The following CCNY variants were observed in gnomAD, a reference collection of about 807,000 sequenced individuals.
The protein encoded by CCNY is cyclin Y, also known as cyclin-Y.
In CCNY, 19 loss-of-function variants were observed where a neutral mutation model predicts 42.8. That is an observed-to-expected ratio of 0.44 (90% CI 0.31 to 0.65). The LOEUF is 0.65. CCNY is among the 30% of genes least tolerant of loss of function. The pLI is 0.07. For missense variants in CCNY, 370 were observed against 437.3 expected, an observed-to-expected ratio of 0.85 and a Z score of 1.37; for synonymous variants, 165 against 162.7, an observed-to-expected ratio of 1.01 and a Z score of -0.11.
chr10:35,335,968 C>A (rs1836017258), upstream of CCNY: 1 of 152,634 alleles, frequency 6.6e-6, no homozygotes, highest in Non-Finnish European at 1.5e-5. Context: ...GTACCGGCTA[C>A]TTTGGAGGCT....
intron 3 of CCNY, among the ~76,000 whole-genome samples, chr10:35,509,432 C>A (rs1044019852): frequency 1.3e-5 from 2 of 152,012 alleles, no homozygotes; most frequent in Non-Finnish European, 2.9e-5. Context: ...CCTTCCACCA[C>A]GCCCAGCTAA....
intron 1 of CCNY, among the ~76,000 whole-genome samples, chr10:35,424,885 C>G (rs1838233049): frequency 6.6e-6 from 1 of 152,196 alleles, no homozygotes; most frequent in East Asian, 1.9e-4. Flanking sequence ...ACACTGTCCT[C>G]CAGCCACACC....
At position 35,426,084 on chromosome 10, in the gene CCNY, T is replaced by C. The variant is rs114008736; in HGVS notation, c.155-57320T>C. Among the ~76,000 whole-genome samples, 1,009 of 145,408 alleles carry C rather than the reference T, an allele frequency of 6.9e-3. 15 individuals carry two copies. The highest frequency in any genetic ancestry group is 0.025 in the African/African-American group (965 of 39,030). ...CCTGTCCAAATTAAACCCTGGCTCC[T>C]CTTCTCCCTTCACTGGTCCAGCACG... is the stretch of plus-strand genomic sequence containing the variant. On this transcript the variant is annotated intron_variant, in intron 1 of 9. Coordinates refer to ENST00000374704, the MANE Select transcript of CCNY (RefSeq NM_145012.6).
chr10:35,474,490 C>G (rs1839461451), intron 1 of CCNY, among the ~76,000 whole-genome samples: 1 of 152,228 alleles, frequency 6.6e-6, no homozygotes, highest in South Asian at 2.1e-4. Context: ...TCCCTGACCC[C>G]TGACCCCCGA....
chr10:35,408,660 T>G (rs1439531481), intron 1 of CCNY, among the ~76,000 whole-genome samples: 1 of 152,168 alleles, frequency 6.6e-6, no homozygotes, highest in Non-Finnish European at 1.5e-5. Context: ...TTTTCACTTC[T>G]TTTGTGGATC....
Position 35,337,188 on chromosome 10 carries a change from C to G in CCNY, c.135C>G (p.Ser45Arg). 1 of 1,562,854 alleles carries G rather than the reference C, an allele frequency of 6.4e-7. No homozygotes were observed. The highest frequency in any genetic ancestry group is 8.7e-7 in the Non-Finnish European group (1 of 1,156,016). Reference sequence around the variant, plus strand: ...CGGGCTGCAACCTGCAGCACATCAGCGACCGGGAGAACATAGACGGTGAGT... The same window carrying G: ...CGGGCTGCAACCTGCAGCACATCAGGGACCGGGAGAACATAGACGGTGAGT... Reference protein sequence around the residue: ...EDTGCNLQHISDRENIDDLNM... With the variant: ...EDTGCNLQHIRDRENIDDLNM... The change falls in exon 1 of 10, where the codon AGC (serine) becomes AGG (arginine). Residue 45 changes from serine to arginine, a missense_variant. By Grantham distance (110) the Ser-to-Arg change is moderately radical. Around this residue, in one of 2 missense-constraint regions of CCNY, gnomAD observed 136 missense variants for 124.2 expected, o/e 1.09. Transcript: ENST00000374704.
chr10:35,474,796 A>C (rs1363298123), intron 1 of CCNY, among the ~76,000 whole-genome samples: 2 of 152,264 alleles, frequency 1.3e-5, no homozygotes, highest in African/African-American at 2.4e-5. Context: ...AGCTGGACGG[A>C]GAATGACTTT....
At chr10:35,529,637 T>G (rs1013992726) in intron 5 of CCNY, among the ~76,000 whole-genome samples, 21 of 151,986 alleles carry the variant, frequency 1.4e-4, no homozygotes, top group African/African-American at 4.8e-4. Context: ...ACAAAGCAGG[T>G]GGATCTCCTG....
intron 1 of CCNY, among the ~76,000 whole-genome samples, chr10:35,345,333 G>A (rs528902540): frequency 6.6e-6 from 1 of 152,216 alleles, no homozygotes; most frequent in South Asian, 2.1e-4. Context: ...GCTGGGTGTG[G>A]TGGCGGGTGC....
intron 1 of CCNY, among the ~76,000 whole-genome samples, 176 bp downstream of exon 1, chr10:35,337,383 C>T (rs1326622532): frequency 1.3e-5 from 2 of 152,184 alleles, no homozygotes; most frequent in African/African-American, 4.8e-5. Context: ...GCGTACCCCT[C>T]GCTGGTTACC....
chr10:35,387,520 G>C (rs1004950537), intron 1 of CCNY, among the ~76,000 whole-genome samples: 25 of 152,160 alleles, frequency 1.6e-4, no homozygotes, highest in Non-Finnish European at 3.2e-4. Flanking sequence ...CGATTGATCA[G>C]ATAAACAAGG....
intron 3 of CCNY, among the ~76,000 whole-genome samples, chr10:35,282,506 T>C (rs1435855573): frequency 6.6e-6 from 1 of 151,550 alleles, no homozygotes; most frequent in African/African-American, 2.4e-5. Context: ...GTCAGGCAAA[T>C]CACGAGGTCA....
intron 1 of CCNY, among the ~76,000 whole-genome samples, chr10:35,410,999 T>C (rs1837891410): frequency 6.6e-6 from 1 of 152,240 alleles, no homozygotes; most frequent in Admixed American, 6.5e-5. Context: ...TGAGGGCTTT[T>C]AACTGATTAA....
At chr10:35,405,463 A>G (rs1193786256) in intron 1 of CCNY, among the ~76,000 whole-genome samples, 4 of 152,174 alleles carry the variant, frequency 2.6e-5, no homozygotes, top group African/African-American at 9.7e-5. Context: ...AGGGAAGCAG[A>G]TAATGTAGTT....
chr10:35,292,385 CAG>C (rs1392958038), intron 3 of CCNY, among the ~76,000 whole-genome samples: 3 of 152,124 alleles, frequency 2.0e-5, no homozygotes, highest in Admixed American at 2.0e-4. Flanking sequence ...GTTTTGAAGA[CAG>C]AGTTTCACTC....
chr10:35,339,936 A>G (rs1464882457), intron 1 of CCNY, among the ~76,000 whole-genome samples: 1 of 152,222 alleles, frequency 6.6e-6, no homozygotes, highest in African/African-American at 2.4e-5. Context: ...GATTGAGAAA[A>G]AACAGCAACA....
chr10:35,292,264 C>T (rs1463447287), intron 3 of CCNY, among the ~76,000 whole-genome samples: 1 of 152,030 alleles, frequency 6.6e-6, no homozygotes, highest in Non-Finnish European at 1.5e-5. Flanking sequence ...AGCCCCTTAC[C>T]CAAGAAATGA....
intron 1 of CCNY, among the ~76,000 whole-genome samples, chr10:35,386,839 G>GT (rs1589081167): frequency 7.0e-6 from 1 of 143,510 alleles, no homozygotes; most frequent in South Asian, 2.2e-4. Flanking sequence ...AGTAAAACCT[G>GT]TTTTTTTGTT....
In CCNY at chr10:35,370,751, TTTC is replaced by T. The variant is rs1431950362; in HGVS notation, c.154+33545_154+33547del. ...TTTTTTTTGAGATGGAGTCTCGCACTTTCGCCCAGGCTGGAGTGCAGTGGGGCC... is the reference window on the plus strand; with the variant it reads ...TTTTTTTTGAGATGGAGTCTCGCACTGCCCAGGCTGGAGTGCAGTGGGGCC... On this transcript the variant is annotated intron_variant, in intron 1 of 9. Coordinates refer to ENST00000374704, the MANE Select transcript of CCNY (RefSeq NM_145012.6). Among the ~76,000 whole-genome samples, 31 of 151,858 alleles carry T rather than the reference TTTC, an allele frequency of 2.0e-4. No individual in the cohort carries two copies. The East Asian group carries it at 2.9e-3, about 14-fold the overall frequency.
Sources: allele counts gnomAD v4.1 joint callset (sites outside exome capture counted in the v4.1 genomes callset), GRCh38; gene constraint gnomAD v4.1.1; regional missense constraint gnomAD v4.1.1; transcripts MANE v1.5; gene names NCBI Gene and HGNC (gene_info 2026-07-23, HGNC 2026-07-21).